ROBO2: variants seen among roughly 807,000 people sequenced by gnomAD.
ROBO2 encodes the protein roundabout homolog 2.
Under a neutral mutation model 160.8 loss-of-function variants are expected in ROBO2, and 53 were observed. The ratio of observed to expected loss-of-function variants is 0.33; its 90% CI spans 0.26 to 0.41. The LOEUF (loss-of-function observed/expected upper bound fraction) is 0.41. Among genes scored for constraint, ROBO2 ranks in the 10% least tolerant of loss-of-function variants. The pLI, the probability that ROBO2 is intolerant of heterozygous loss-of-function variation, is 1.00. For missense variants in ROBO2, 1,577 were observed against 1,722.4 expected (o/e 0.92, Z 1.49); for synonymous variants, 664 against 611.7 (o/e 1.09, Z -1.26).
chr3:76,707,300 T>C (rs1560416079), intron 2 of ROBO2, among the ~76,000 whole-genome samples: 1 of 152,098 alleles, frequency 6.6e-6, no homozygotes, highest in Non-Finnish European at 1.5e-5. Flanking sequence ...AAAAAGTTTG[T>C]ACCTGAGAAT....
intron 2 of ROBO2, among the ~76,000 whole-genome samples, chr3:76,259,759 C>A (rs2107588729): frequency 6.6e-6 from 1 of 152,214 alleles, no homozygotes; most frequent in Middle Eastern, 3.4e-3. Flanking sequence ...CGCAAGGCAT[C>A]CCCCTGGGCC....
chr3:77,289,948 G>A (rs1287286111), intron 2 of ROBO2, among the ~76,000 whole-genome samples: 7 of 152,034 alleles, frequency 4.6e-5, no homozygotes, highest in Non-Finnish European at 5.9e-5. Context: ...GTAAGCTGAG[G>A]CTAGATCACC....
At chr3:76,628,198 A>C (rs891205476) in intron 2 of ROBO2, among the ~76,000 whole-genome samples, 1 of 152,064 alleles carries the variant, frequency 6.6e-6, no homozygotes, top group African/African-American at 2.4e-5. Context: ...GTCCTTTTTC[A>C]GTTCCCACTT....
chr3:76,962,632 C>T (rs1265641629), intron 2 of ROBO2, among the ~76,000 whole-genome samples: 6 of 115,040 alleles, frequency 5.2e-5, no homozygotes, highest in Non-Finnish European at 7.2e-5. Flanking sequence ...GAGTGAAACT[C>T]GATCTCAGAA....
intron 2 of ROBO2, among the ~76,000 whole-genome samples, chr3:75,998,396 G>A (rs1232681245): frequency 6.6e-6 from 1 of 152,126 alleles, no homozygotes; most frequent in Non-Finnish European, 1.5e-5. Context: ...ATAGACTGCA[G>A]TTTTTGTAGA....
At chr3:77,464,377 TC>T (rs2082549759) in intron 2 of ROBO2, among the ~76,000 whole-genome samples, 1 of 152,040 alleles carries the variant, frequency 6.6e-6, no homozygotes, top group Admixed American at 6.6e-5. Context: ...TCGAGTGCAT[TC>T]CAGAAATAGA....
intron 1 of ROBO2, among the ~76,000 whole-genome samples, chr3:75,926,388 T>G (rs963129479): frequency 6.6e-6 from 1 of 152,176 alleles, no homozygotes; most frequent in African/African-American, 2.4e-5. Context: ...CTGATCCTTA[T>G]AGCAAATATT....
rs180757251 is a variant in ROBO2, at chr3:76,792,301, A to T, written c.110-305713A>T. 1.3e-4 allele frequency among the ~76,000 whole-genome samples: 19 copies of T among 151,992 alleles called. No homozygotes were observed. The East Asian group carries it at 3.5e-3, about 28-fold the overall frequency. On this transcript the variant is annotated intron_variant, in intron 2 of 26. Transcript: ENST00000487694. ...TTTGAGAATGTATACTTAACTGTCT[A>T]AATTTTCTTAAATTATGCTATATTG...
intron 2 of ROBO2, among the ~76,000 whole-genome samples, chr3:75,985,365 C>G (rs748022012): frequency 2.6e-5 from 4 of 151,520 alleles, no homozygotes; most frequent in Admixed American, 6.6e-5. Context: ...GTGATACATT[C>G]TGTCCATAGG....
intron 24 of ROBO2, among the ~76,000 whole-genome samples, 165 bp from the exon 27 acceptor site, chr3:77,644,539 T>C (rs2095391879): frequency 6.6e-6 from 1 of 152,232 alleles, no homozygotes; most frequent in Non-Finnish European, 1.5e-5. Context: ...TGCTTGCACA[T>C]AGAAATTTCT....
intron 1 of ROBO2, among the ~76,000 whole-genome samples, chr3:75,910,717 G>T (rs904150895): frequency 1.8e-4 from 28 of 152,112 alleles, no homozygotes; most frequent in African/African-American, 6.8e-4. Context: ...CATTTTATTT[G>T]CTCCTGAAGG....
chr3:77,320,310 C>T (rs534678535), intron 2 of ROBO2, among the ~76,000 whole-genome samples: 1 of 152,202 alleles, frequency 6.6e-6, no homozygotes, highest in South Asian at 2.1e-4. Context: ...CAGTGTGATT[C>T]AGAGCTCTGA....
At chr3:76,045,254 C>G (rs12714846) in intron 2 of ROBO2, among the ~76,000 whole-genome samples, 55,163 of 151,824 alleles carry the variant, frequency 0.36, 10,708 homozygotes, top group South Asian at 0.58. Flanking sequence ...TCTTTTACAC[C>G]TTTTCAGTTA....
chr3:76,578,531 C>T (rs182078215), intron 2 of ROBO2, among the ~76,000 whole-genome samples: 85 of 152,172 alleles, frequency 5.6e-4, no homozygotes, highest in Non-Finnish European at 5.7e-4. Context: ...ATGGACTCTT[C>T]GATCATCATC....
chr3:77,172,509 G>T (rs773069752), intron 2 of ROBO2, among the ~76,000 whole-genome samples: 20 of 152,024 alleles, frequency 1.3e-4, no homozygotes, highest in Non-Finnish European at 2.1e-4. Context: ...GGAGTGCATT[G>T]TTAACATTTT....
At chr3:76,296,790 T>C (rs1206354835) in intron 2 of ROBO2, among the ~76,000 whole-genome samples, 2 of 152,154 alleles carry the variant, frequency 1.3e-5, no homozygotes, top group African/African-American at 4.8e-5. Flanking sequence ...TGTGTACTTA[T>C]ATGGAAGTGA....
intron 2 of ROBO2, among the ~76,000 whole-genome samples, chr3:76,178,614 C>T (rs866980156): frequency 6.6e-6 from 1 of 152,106 alleles, no homozygotes; most frequent in South Asian, 2.1e-4. Context: ...GTGGCACAGC[C>T]TTCTAAGTAG....
chr3:77,143,418 A>T (rs1684230205), intron 2 of ROBO2, among the ~76,000 whole-genome samples: 1 of 150,880 alleles, frequency 6.6e-6, no homozygotes, highest in Admixed American at 6.6e-5. Flanking sequence ...TTGTTCTTGA[A>T]CTCTTGATCT....
chr3:76,080,412 G>A (rs1576775447), intron 2 of ROBO2, among the ~76,000 whole-genome samples: 1 of 152,294 alleles, frequency 6.6e-6, no homozygotes, highest in Admixed American at 6.5e-5. Context: ...GACTTCGGGT[G>A]GAAGAACTGG....
Sources: allele counts gnomAD v4.1 joint callset (sites outside exome capture counted in the v4.1 genomes callset), GRCh38; gene constraint gnomAD v4.1.1; transcripts MANE v1.5; gene names NCBI Gene and HGNC (gene_info 2026-07-23, HGNC 2026-07-21).